The following EFL1 variants were observed in gnomAD, a reference collection of about 807,000 sequenced individuals.
The protein encoded by EFL1 is elongation factor like GTPase 1.
Under a neutral mutation model 126.7 loss-of-function variants are expected in EFL1, and 76 were observed. That is an observed-to-expected ratio of 0.60 (90% CI 0.50 to 0.73). EFL1 has a LOEUF of 0.73. EFL1 is among the 30% of genes least tolerant of loss of function. The pLI is 0.00. For missense variants in EFL1, 1,128 were observed against 1,343.2 expected (o/e 0.84, Z 2.50); for synonymous variants, 410 against 448.4 (o/e 0.91, Z 1.08).
Position 82,157,824 on chromosome 15 carries a change from AAC to A in EFL1, c.1917_1918del (p.Leu640LysfsTer4). ...CTGGACACAGGGATCAGCCTGGTTT[AAC>A]AGTTTCATTCCTTTTACGAGCTGAG... On this transcript the variant is annotated frameshift_variant, in exon 17 of 20. Transcript: ENST00000268206. LOFTEE classifies it high-confidence loss of function. The A allele has an allele frequency of 6.2e-7, 1 of 1,614,016 alleles. No homozygotes were observed. The highest frequency in any genetic ancestry group is 8.5e-7 in the Non-Finnish European group (1 of 1,179,914).
At chr15:82,223,281 T>C (rs554007812) in intron 12 of EFL1, among the ~76,000 whole-genome samples, 103 of 150,276 alleles carry the variant, frequency 6.9e-4, no homozygotes, top group African/African-American at 2.4e-3. Context: ...AAAAATCAGC[T>C]AGAAGATGGA....
chr15:82,247,383 T>C (rs1402810041), intron 4 of EFL1, among the ~76,000 whole-genome samples: 2 of 152,050 alleles, frequency 1.3e-5, no homozygotes, highest in Non-Finnish European at 2.9e-5. Flanking sequence ...CCTTAGAAGA[T>C]TCAGGTAAAA....
At chr15:82,194,269 T>G (rs1321783954) in intron 15 of EFL1, among the ~76,000 whole-genome samples, 1 of 152,158 alleles carries the variant, frequency 6.6e-6, no homozygotes, top group East Asian at 1.9e-4. Flanking sequence ...AAAACCAAAC[T>G]GCTTCCTAAG....
intron 15 of EFL1, among the ~76,000 whole-genome samples, chr15:82,190,110 TAA>T (rs76997618): frequency 1.2e-4 from 17 of 136,796 alleles, no homozygotes; most frequent in Admixed American, 1.5e-4. Flanking sequence ...GACTCTGTCT[TAA>T]AAAAAAAAAA....
intron 15 of EFL1, among the ~76,000 whole-genome samples, chr15:82,179,160 TA>T (rs1377224164): frequency 2.6e-5 from 4 of 151,230 alleles, no homozygotes; most frequent in African/African-American, 7.3e-5. Context: ...ATTAAATAAA[TA>T]AAAAAAAGAA....
At chr15:82,170,335 C>T (rs1310570896) in intron 15 of EFL1, among the ~76,000 whole-genome samples, 2 of 151,790 alleles carry the variant, frequency 1.3e-5, no homozygotes, top group African/African-American at 4.8e-5. Context: ...AGGATGGTCT[C>T]GATCTCCTGA....
At chr15:82,136,696 T>C (rs1255319509) in intron 19 of EFL1, among the ~76,000 whole-genome samples, 1 of 152,218 alleles carries the variant, frequency 6.6e-6, no homozygotes, top group African/African-American at 2.4e-5. Flanking sequence ...TTTGTGTTCT[T>C]ATGTAAAAGT....
At chr15:82,159,954 G>A (rs145810363) in intron 16 of EFL1, 2 of 152,184 alleles carry the variant, frequency 1.3e-5, no homozygotes, top group African/African-American at 2.4e-5. Flanking sequence ...ATATCACAAA[G>A]TGTTCAGGCA....
intron 16 of EFL1, 93 bp downstream of exon 16, chr15:82,163,760 G>A (rs1251404701): frequency 7.0e-7 from 1 of 1,434,602 alleles, no homozygotes; most frequent in Non-Finnish European, 9.3e-7. Flanking sequence ...ATTATATACT[G>A]CTGAAACAAG....
rs1473205177 is a variant in EFL1 at position 82,152,066 on chromosome 15, G to A, written c.2388C>T (p.Thr796=). The part of the protein sequence containing the change: ...GENTHMIHQK[T]QEKIWEFKGK... ...CTTTGAATTCCCAAATTTTCTCTTG[G>A]GTCTTCTGATGAATCATGTGAGTAT... Residue 796 remains threonine, a synonymous_variant, in exon 18 of 20, where the codon ACC becomes ACT. Coordinates refer to ENST00000268206, the MANE Select transcript of EFL1 (RefSeq NM_024580.6). 3 of 1,613,868 alleles carry A rather than the reference G, an allele frequency of 1.9e-6. No homozygotes were observed. The highest frequency in any genetic ancestry group is 2.5e-6 in the Non-Finnish European group (3 of 1,180,028).
chr15:82,219,896 T>C, intron 13 of EFL1, 78 bp from the exon 14 acceptor site: 1 of 1,510,752 alleles, frequency 6.6e-7, no homozygotes, highest in African/African-American at 1.4e-5. Context: ...GAAGGAGGAG[T>C]GAATATGATA....
intron 5 of EFL1, among the ~76,000 whole-genome samples, chr15:82,240,924 C>T (rs1457583515): frequency 6.6e-6 from 1 of 152,148 alleles, no homozygotes; most frequent in Non-Finnish European, 1.5e-5. Flanking sequence ...GTGGCACATG[C>T]CTGTAATCCC....
chr15:82,243,761 G>T (rs1465767454), intron 4 of EFL1, among the ~76,000 whole-genome samples: 3 of 149,668 alleles, frequency 2.0e-5, no homozygotes, highest in Admixed American at 6.7e-5. Context: ...ACTTATCTAT[G>T]CTCCCCTAAG....
intron 15 of EFL1, among the ~76,000 whole-genome samples, chr15:82,207,951 C>T (rs2141288695): frequency 6.6e-6 from 1 of 152,234 alleles, no homozygotes; most frequent in Admixed American, 6.5e-5. Flanking sequence ...GAACTCCTGA[C>T]CTCAGGTGAT....
chr15:82,214,833 G>A lies in EFL1; in HGVS notation c.1634C>T (p.Pro545Leu). The change falls in exon 15 of 20, where the codon CCA becomes CTA. Residue 545 changes from proline (P) to leucine (L), a missense_variant. Pro to Leu is a moderately conservative substitution (Grantham distance 98). Around this residue, in one of 6 missense-constraint regions of EFL1, gnomAD observed 120 missense variants for 142.1 expected, o/e 0.84. Transcript: ENST00000268206. ...GGGGACTTGGGGGAGGCCATCTGGT[G>A]GAGCTGAGAAGCCTAATGGTACCTG... is the stretch of plus-strand genomic sequence containing the variant. ...LRRVPLGFSA[P>L]PDGLPQVPHM... is the part of the protein sequence containing the mutation. The A allele has an allele frequency of 6.3e-7, 1 of 1,587,888 alleles. No homozygotes were observed. The highest frequency in any genetic ancestry group is 1.2e-5 in the South Asian group (1 of 86,918).
chr15:82,130,690 T>C (rs768699724), intron 19 of EFL1, 129 bp from the exon 20 acceptor site: 70 of 945,364 alleles, frequency 7.4e-5, no homozygotes, highest in Non-Finnish European at 1.1e-4. Context: ...CTAAGCTTGC[T>C]AGGAATGGTA....
At chr15:82,218,853 C>T (rs2074678523) in intron 14 of EFL1, among the ~76,000 whole-genome samples, 1 of 152,146 alleles carries the variant, frequency 6.6e-6, no homozygotes, top group Non-Finnish European at 1.5e-5. Context: ...ATGGCAGAGA[C>T]TTACTTCAAC....
At chr15:82,229,930 G>A (rs182990398) in intron 8 of EFL1, among the ~76,000 whole-genome samples, 1 of 152,270 alleles carries the variant, frequency 6.6e-6, no homozygotes, top group Admixed American at 6.5e-5. Flanking sequence ...TTTTACAGAT[G>A]AAATAACTGA....
chr15:82,220,191 C>T lies in EFL1; in HGVS notation c.1331G>A (p.Arg444His), dbSNP rs376049845. Residue 444 changes from arginine to histidine, a missense_variant, in exon 13 of 20, where the codon CGT becomes CAT. Physicochemically the swap from Arg to His is conservative, Grantham distance 29. Coordinates refer to ENST00000268206, the MANE Select transcript of EFL1 (RefSeq NM_024580.6). Reference protein sequence around the residue: ...TQEEIAQRRERARQRHAEKLA... With the variant: ...TQEEIAQRREHARQRHAEKLA... ...CTTCTCTGCATGCCTTTGTCTTGCA[C>T]GCTCACGTCTCTGAGCAATTTCTTC... 120 of 1,611,462 alleles carry T rather than the reference C, an allele frequency of 7.4e-5. No individual in the cohort carries two copies. The highest frequency in any genetic ancestry group is 1.7e-4 in the Middle Eastern group (1 of 6,050).
Sources: allele counts gnomAD v4.1 joint callset (sites outside exome capture counted in the v4.1 genomes callset), GRCh38; gene constraint gnomAD v4.1.1; regional missense constraint gnomAD v4.1.1; transcripts MANE v1.5; gene names NCBI Gene and HGNC (gene_info 2026-07-23, HGNC 2026-07-21).